CACNA1C: variants seen among roughly 807,000 people sequenced by gnomAD.
The protein encoded by CACNA1C is calcium voltage-gated channel subunit alpha1 C.
A neutral mutation model predicts 229.0 loss-of-function variants in CACNA1C; 30 were observed. That is an observed-to-expected ratio of 0.13 (90% CI 0.10 to 0.18). CACNA1C has a LOEUF of 0.18. Ranked by LOEUF, CACNA1C falls within the 10% of genes least tolerant of loss-of-function variation. The pLI is 1.00. For synonymous variants in CACNA1C, 1,114 were observed against 1,132.5 expected (o/e 0.98, Z 0.33); for missense variants, 1,658 against 2,845.0 (o/e 0.58, Z 9.49).
In CACNA1C at chr12:2,547,655, T is replaced by C. The variant is rs942137136; in HGVS notation, c.1391-2288T>C. 6.2e-6 allele frequency: 4 copies of C among 641,014 alleles called. No individual in the cohort carries two copies. The African/African-American group carries it at 7.2e-5, about 12-fold the overall frequency. The allele number at this position is 641,014 out of a possible 1,614,324, so 39.7% of individuals were successfully genotyped here. On this transcript the variant is annotated intron_variant, in intron 9 of 46. Coordinates refer to ENST00000399655, the MANE Select transcript of CACNA1C (RefSeq NM_000719.7). ...GTGCATATATGTGTATGTATATATG[T>C]TGTGTGTGTGTGTGTGTTTGTGAAG... is the stretch of plus-strand genomic sequence containing the variant.
intron 19 of CACNA1C, 81 bp downstream of exon 19, chr12:2,593,426 C>G: frequency 1.4e-6 from 2 of 1,464,196 alleles, no homozygotes; most frequent in African/African-American, 1.4e-5. Flanking sequence ...ACCTGAACCT[C>G]TGGATGGAGA....
At chr12:2,182,613 C>T (rs776616121) in intron 3 of CACNA1C, among the ~76,000 whole-genome samples, 4 of 152,198 alleles carry the variant, frequency 2.6e-5, no homozygotes, top group Admixed American at 1.3e-4. Context: ...TACCCCTACA[C>T]TCTCTCCTTT....
intron 1 of CACNA1C, among the ~76,000 whole-genome samples, chr12:2,022,350 G>A (rs1318409817): frequency 2.0e-5 from 3 of 152,090 alleles, no homozygotes; most frequent in Admixed American, 6.5e-5. Context: ...TGTATGTATA[G>A]CTCACATTTG....
At chr12:1,980,443 T>C (rs1455195114) in intron 1 of CACNA1C, among the ~76,000 whole-genome samples, 1 of 152,150 alleles carries the variant, frequency 6.6e-6, no homozygotes, top group Non-Finnish European at 1.5e-5. Flanking sequence ...CTGTTGTTAA[T>C]TTCTAAGTGT....
intron 13 of CACNA1C, among the ~76,000 whole-genome samples, chr12:2,573,017 CCTCCTT>C (rs956257421): frequency 1.3e-5 from 2 of 150,890 alleles, no homozygotes; most frequent in African/African-American, 4.9e-5. Context: ...TCCTCCTCCT[CCTCCTT>C]CTTCTTCCTT....
chr12:2,650,036 C>G lies in CACNA1C; in HGVS notation c.3945+1529C>G, dbSNP rs376095383. Among the ~76,000 whole-genome samples the G allele has an allele frequency of 2.0e-4, 30 of 152,330 alleles. 1 individual carries two copies. The highest frequency in any genetic ancestry group is 6.5e-4 in the African/African-American group (27 of 41,576). ...GCCTGCAGCTCTTGACCCAGCCCCTCAGGTACCCGTGCAGCAGGTCCCGAG... is the reference window on the plus strand; with the variant it reads ...GCCTGCAGCTCTTGACCCAGCCCCTGAGGTACCCGTGCAGCAGGTCCCGAG... On this transcript the variant is annotated intron_variant, in intron 31 of 46. Coordinates refer to ENST00000399655, the MANE Select transcript of CACNA1C (RefSeq NM_000719.7).
chr12:2,079,061 T>C (rs1312905693), intron 1 of CACNA1C, among the ~76,000 whole-genome samples: 1 of 138,138 alleles, frequency 7.2e-6, no homozygotes, highest in Non-Finnish European at 1.5e-5. Flanking sequence ...TTCTCACTTA[T>C]AGGTGGGAAT....
intron 3 of CACNA1C, among the ~76,000 whole-genome samples, chr12:2,347,313 G>A (rs569889943): frequency 2.6e-5 from 4 of 152,208 alleles, no homozygotes; most frequent in Non-Finnish European, 2.9e-5. Context: ...CTGTCTTCCC[G>A]ATCATACGGT....
At chr12:2,573,765 TA>T (rs1010533303) in intron 13 of CACNA1C, among the ~76,000 whole-genome samples, 3 of 152,216 alleles carry the variant, frequency 2.0e-5, no homozygotes, top group Non-Finnish European at 4.4e-5. Flanking sequence ...ATAGTTTCTT[TA>T]AAAAATAAAA....
At chr12:2,464,033 C>G (rs2099533717) in intron 5 of CACNA1C, among the ~76,000 whole-genome samples, 1 of 151,964 alleles carries the variant, frequency 6.6e-6, no homozygotes, top group African/African-American at 2.4e-5. Flanking sequence ...GGGGTCGTTT[C>G]CTGCTTTCCA....
intron 1 of CACNA1C, among the ~76,000 whole-genome samples, chr12:2,047,321 C>A (rs2051255478): frequency 6.6e-6 from 1 of 152,210 alleles, no homozygotes; most frequent in Non-Finnish European, 1.5e-5. Flanking sequence ...ATTAAATGAG[C>A]ACACTGTGCA....
At chr12:1,992,769 A>G (rs1469722367) in intron 1 of CACNA1C, 1 of 199,876 alleles carries the variant, frequency 5.0e-6, no homozygotes, top group African/African-American at 2.3e-5. Context: ...TGACTGAAAG[A>G]AACTTTTTGG....
chr12:2,498,045 C>G (rs1291313491), intron 7 of CACNA1C, among the ~76,000 whole-genome samples: 1 of 151,786 alleles, frequency 6.6e-6, no homozygotes, highest in Non-Finnish European at 1.5e-5. Flanking sequence ...TGAAATATCC[C>G]TCGTTTATGA....
chr12:2,606,619 G>A lies in CACNA1C; in HGVS notation c.3165G>A (p.Leu1055=), dbSNP rs754260008. ...CIGVQLFKGK[L]YTCSDSSKQT... ...TGTTCTCTGCCTTCCAGGGAAAGCTGTACACCTGTTCAGACAGTTCCAAGC... is the reference window on the plus strand; with the variant it reads ...TGTTCTCTGCCTTCCAGGGAAAGCTATACACCTGTTCAGACAGTTCCAAGC... Residue 1055 remains leucine, a synonymous_variant, in exon 25 of 47, where the codon CTG becomes CTA. Coordinates refer to ENST00000399655, the MANE Select transcript of CACNA1C (RefSeq NM_000719.7). 1 of 1,606,662 alleles carries A rather than the reference G, an allele frequency of 6.2e-7. No individual in the cohort carries two copies. The highest frequency in any genetic ancestry group is 8.5e-7 in the Non-Finnish European group (1 of 1,176,808).
rs549235160 is a variant in CACNA1C, at chr12:2,097,209, G to C, written c.50-18015G>C. On this transcript the variant is annotated intron_variant, in intron 1 of 46. Coordinates refer to ENST00000399655, the MANE Select transcript of CACNA1C (RefSeq NM_000719.7). ...CACCCAGGCTGGAGTGCAGTGGCGC[G>C]ATCTCGGCTCACTGCAAGCTCCGCC... 6.6e-5 allele frequency among the ~76,000 whole-genome samples: 10 copies of C among 152,004 alleles called. 1 individual carries two copies. Among genetic ancestry groups the C allele is most frequent in the Admixed American group, 3.9e-4 (6 of 15,262 alleles).
intron 13 of CACNA1C, among the ~76,000 whole-genome samples, chr12:2,572,828 CTCCTCCTTCTCT>C: frequency 8.0e-6 from 1 of 124,544 alleles, no homozygotes; most frequent in East Asian, 2.6e-4. Context: ...TCCTCCTCCC[CTCCTCCTTCTCT>C]TCCTCCTCCT....
At chr12:2,021,438 G>A (rs191269873) in intron 1 of CACNA1C, among the ~76,000 whole-genome samples, 1 of 152,148 alleles carries the variant, frequency 6.6e-6, no homozygotes, top group Non-Finnish European at 1.5e-5. Flanking sequence ...CAGCACTTTG[G>A]GGGGCTGAGG....
chr12:1,991,044 CTT>C, intron 1 of CACNA1C: 1 of 450,300 alleles, frequency 2.2e-6, no homozygotes, highest in Non-Finnish European at 4.4e-6. Flanking sequence ...CCCTTTCACT[CTT>C]TGTTGTTCAA....
At chr12:2,619,925 G>A (rs1288233160) in intron 29 of CACNA1C, among the ~76,000 whole-genome samples, 2 of 152,044 alleles carry the variant, frequency 1.3e-5, no homozygotes, top group Admixed American at 1.3e-4. Flanking sequence ...AGCATCCCCA[G>A]TTCACCCTCT....
Sources: gnomAD v4.1 joint callset for allele counts (sites outside exome capture counted in the v4.1 genomes callset) on GRCh38, gnomAD v4.1.1 for gene constraint, MANE v1.5 for transcripts, NCBI Gene and HGNC (gene_info 2026-07-23, HGNC 2026-07-21) for gene names.